Variants in NECTIN3 observed in about 807,000 individuals in gnomAD.
The protein encoded by NECTIN3 is nectin cell adhesion molecule 3, also known as nectin-3.
In NECTIN3, 8 loss-of-function variants were observed where a neutral mutation model predicts 49.4. The observed-to-expected ratio is 0.16, with a 90% confidence interval of 0.10 to 0.29. NECTIN3 has a LOEUF of 0.29. Among genes scored for constraint, NECTIN3 ranks in the 10% least tolerant of loss-of-function variants. The probability of loss-of-function intolerance (pLI) is 1.00; values close to 1 mark genes in which losing one functional copy is unlikely to be tolerated. For missense variants in NECTIN3, 581 were observed against 654.6 expected (o/e 0.89, Z 1.23); for synonymous variants, 277 against 241.1 (o/e 1.15, Z -1.38).
intron 2 of NECTIN3, among the ~76,000 whole-genome samples, chr3:111,116,781 T>C (rs1474837125): frequency 6.6e-6 from 1 of 152,032 alleles, no homozygotes; most frequent in Non-Finnish European, 1.5e-5. Context: ...ATATTAAAAA[T>C]AAAATCTCAG....
At chr3:111,181,158 G>A (rs1225404262) in intron 7 of NECTIN3, among the ~76,000 whole-genome samples, 1 of 152,078 alleles carries the variant, frequency 6.6e-6, no homozygotes, top group Admixed American at 6.6e-5. Flanking sequence ...AACCATTGTT[G>A]TGATTTCTGT....
At chr3:111,178,573 C>G (rs1347078034) in intron 7 of NECTIN3, among the ~76,000 whole-genome samples, 2 of 152,166 alleles carry the variant, frequency 1.3e-5, no homozygotes, top group Non-Finnish European at 2.9e-5. Context: ...TTGTTTTCCT[C>G]TAATTGAGGC....
Position 111,135,785 on chromosome 3 carries a change from A to G in NECTIN3, c.*1570A>G. 1.0e-6 allele frequency: 1 copy of G among 957,218 alleles called. No homozygotes were observed. 59.3% of individuals were successfully genotyped at this position (957,218 alleles called of 1,614,324 possible). A position where few individuals can be genotyped will look rare whatever the true frequency, so the allele number is the denominator to read the frequency against. ...GTTCATGGTATCTTGCAAATAGTGA[A>G]AGCTTTATTCTGAAGGATTATAAAC... is the stretch of plus-strand genomic sequence containing the variant. On this transcript the variant is annotated 3_prime_UTR_variant, in exon 6 of 6. Transcript: ENST00000485303.
At chr3:111,089,315 TCTA>T (rs2032114156) in intron 1 of NECTIN3, among the ~76,000 whole-genome samples, 1 of 152,008 alleles carries the variant, frequency 6.6e-6, no homozygotes, top group African/African-American at 2.4e-5. Flanking sequence ...CTTATTTTCT[TCTA>T]CTTATTTTTA....
At chr3:111,074,971 G>A (rs1576060027) in intron 1 of NECTIN3, 1 of 152,078 alleles carries the variant, frequency 6.6e-6, no homozygotes, top group Non-Finnish European at 1.5e-5. Context: ...TTGGCTCTGA[G>A]ATTCTATGCC....
intron 7 of NECTIN3, among the ~76,000 whole-genome samples, chr3:111,186,930 C>T (rs1389198299): frequency 6.6e-6 from 1 of 152,162 alleles, no homozygotes; most frequent in South Asian, 2.1e-4. Context: ...TAGTTTTATT[C>T]AGTACATATA....
At chr3:111,086,137 G>A (rs909458171) in intron 1 of NECTIN3, among the ~76,000 whole-genome samples, 1 of 151,898 alleles carries the variant, frequency 6.6e-6, no homozygotes, top group African/African-American at 2.4e-5. Flanking sequence ...TATTCAGTTA[G>A]GTTGTCTTTC....
At chr3:111,105,739 T>G (rs1483875945) in intron 1 of NECTIN3, among the ~76,000 whole-genome samples, 1 of 152,168 alleles carries the variant, frequency 6.6e-6, no homozygotes, top group Non-Finnish European at 1.5e-5. Flanking sequence ...TGGATATAAC[T>G]CAAAGACTGC....
At chr3:111,153,301 T>C (rs1450615904) in intron 7 of NECTIN3, among the ~76,000 whole-genome samples, 3 of 151,916 alleles carry the variant, frequency 2.0e-5, no homozygotes, top group African/African-American at 4.8e-5. Flanking sequence ...GATAAAATAA[T>C]GATTTATAAA....
Position 111,094,098 on chromosome 3 carries a change from T to C in NECTIN3, c.161-17932T>C, listed in dbSNP as rs868207237. Among the ~76,000 whole-genome samples the C allele has an allele frequency of 4.6e-5, 7 of 152,118 alleles. No individual in the cohort carries two copies. In the South Asian group the frequency reaches 1.2e-3, roughly 27 times the overall value. On this transcript the variant is annotated intron_variant, in intron 1 of 5. Transcript: ENST00000485303. The stretch of plus-strand genomic sequence containing the variant: ...CAAAAACAAACTGTGGCAATACTTT[T>C]GTATCACTTATAATTTTTATTTTAT...
intron 1 of NECTIN3, among the ~76,000 whole-genome samples, chr3:111,087,967 G>A (rs1036393612): frequency 6.6e-6 from 1 of 152,018 alleles, no homozygotes; most frequent in Non-Finnish European, 1.5e-5. Context: ...CAAAGTGTTG[G>A]GATTATAGGT....
At chr3:111,097,698 A>T (rs2032670340) in intron 1 of NECTIN3, among the ~76,000 whole-genome samples, 1 of 152,186 alleles carries the variant, frequency 6.6e-6, no homozygotes, top group Non-Finnish European at 1.5e-5. Flanking sequence ...TATGCCTGCT[A>T]CCATCCATGT....
rs1421282914 is a variant in NECTIN3 at position 111,126,861 on chromosome 3, TG to T, written c.1069+527del. ...TGTGTTAATGAAATAAAATTTGTGA[TG>T]TTTTTTATTGTCTTTAAACTACTAA... On this transcript the variant is annotated intron_variant, in intron 5 of 5. Transcript: ENST00000485303. 4.6e-5 allele frequency among the ~76,000 whole-genome samples: 7 copies of T among 152,302 alleles called. No homozygotes were observed. In the South Asian group the frequency reaches 6.2e-4, roughly 14 times the overall value.
chr3:111,151,245 T>G (rs940166655), intron 7 of NECTIN3, among the ~76,000 whole-genome samples: 2 of 151,960 alleles, frequency 1.3e-5, no homozygotes, highest in African/African-American at 4.8e-5. Context: ...CATTACCTTA[T>G]GTATTCCGAT....
At position 111,134,526 on chromosome 3, in the gene NECTIN3, A is replaced by C. The variant is rs2034509995; in HGVS notation, c.*311A>C. On this transcript the variant is annotated 3_prime_UTR_variant, in exon 6 of 6. Coordinates refer to ENST00000485303, the MANE Select transcript of NECTIN3 (RefSeq NM_015480.3). ...AAATGTATGACTTACTTGGTACAAAAATTTTTTAAAAAGGGAACTACCTTG... is the reference window on the plus strand; with the variant it reads ...AAATGTATGACTTACTTGGTACAAACATTTTTTAAAAAGGGAACTACCTTG... 1.0e-6 allele frequency: 1 copy of C among 999,504 alleles called. No individual in the cohort carries two copies. The highest frequency in any genetic ancestry group is 1.7e-5 in the African/African-American group (1 of 57,832). 61.9% of individuals were successfully genotyped at this position (999,504 alleles called of 1,614,324 possible).
intron 7 of NECTIN3, among the ~76,000 whole-genome samples, chr3:111,148,602 G>C (rs942167175): frequency 6.6e-6 from 1 of 152,098 alleles, no homozygotes; most frequent in Non-Finnish European, 1.5e-5. Flanking sequence ...TTGCCTGTTA[G>C]ATAACTGAAA....
chr3:111,149,459 ATGTGTGTGTGTGTGTGTGTGTG>A (rs56219611), intron 7 of NECTIN3, among the ~76,000 whole-genome samples: 11 of 128,328 alleles, frequency 8.6e-5, no homozygotes, highest in Non-Finnish European at 1.4e-4. Flanking sequence ...TTCTGGTAGG[ATGTGTGTGTGTGTGTGTGTGTG>A]TGTGTGTGTG....
At chr3:111,092,579 T>A (rs1367415038) in intron 1 of NECTIN3, among the ~76,000 whole-genome samples, 5 of 152,180 alleles carry the variant, frequency 3.3e-5, no homozygotes, top group Non-Finnish European at 7.4e-5. Flanking sequence ...ATTGACTTGG[T>A]ACTCTTGTTG....
intron 7 of NECTIN3, among the ~76,000 whole-genome samples, chr3:111,175,706 C>T (rs2035514994): frequency 6.6e-6 from 1 of 152,100 alleles, no homozygotes; most frequent in Admixed American, 6.5e-5. Flanking sequence ...ACATTTCTCA[C>T]TGTGTTTTAA....
Sources: gnomAD v4.1 joint callset for allele counts (sites outside exome capture counted in the v4.1 genomes callset) on GRCh38, gnomAD v4.1.1 for gene constraint, MANE v1.5 for transcripts, NCBI Gene and HGNC (gene_info 2026-07-23, HGNC 2026-07-21) for gene names.